Variants in PATJ observed in about 807,000 individuals in gnomAD.
PATJ encodes the protein inaD-like protein.
Under a neutral mutation model 224.9 loss-of-function variants are expected in PATJ, and 190 were observed. That is an observed-to-expected ratio of 0.84 (90% CI 0.75 to 0.95). The LOEUF is 0.95. PATJ is among the 40% of genes least tolerant of loss of function. The pLI is 0.00. For missense variants in PATJ, 2,121 were observed against 2,270.3 expected, an observed-to-expected ratio of 0.93 and a Z score of 1.34; for synonymous variants, 769 against 820.3, an observed-to-expected ratio of 0.94 and a Z score of 1.07.
At chr1:61,863,697 T>C (rs1664981679) in intron 19 of PATJ, among the ~76,000 whole-genome samples, 1 of 152,184 alleles carries the variant, frequency 6.6e-6, no homozygotes, top group South Asian at 2.1e-4. Flanking sequence ...AGATGAAAAA[T>C]AAGATTTGTT....
At chr1:61,862,799 T>A (rs543040364) in intron 19 of PATJ, among the ~76,000 whole-genome samples, 1 of 152,272 alleles carries the variant, frequency 6.6e-6, no homozygotes. Context: ...GAATTATACT[T>A]ATGTTGCTCT....
intron 29 of PATJ, among the ~76,000 whole-genome samples, chr1:62,035,459 C>G (rs765327848): frequency 1.3e-5 from 2 of 152,108 alleles, no homozygotes; most frequent in Non-Finnish European, 2.9e-5. Context: ...AAGCTACTTA[C>G]TTAAGGGTTT....
chr1:61,764,138 G>A (rs754395739), intron 3 of PATJ, among the ~76,000 whole-genome samples: 8 of 151,894 alleles, frequency 5.3e-5, no homozygotes, highest in African/African-American at 1.2e-4. Flanking sequence ...GATTATAGGC[G>A]TGAGCCACCT....
chr1:61,936,993 C>T (rs570092211), intron 27 of PATJ, among the ~76,000 whole-genome samples: 1 of 152,218 alleles, frequency 6.6e-6, no homozygotes, highest in East Asian at 1.9e-4. Context: ...CAATGCAATT[C>T]GGAACATAAA....
chr1:62,125,152 G>A (rs1294953570), intron 39 of PATJ, among the ~76,000 whole-genome samples: 5 of 148,336 alleles, frequency 3.4e-5, no homozygotes, highest in East Asian at 4.1e-4. Context: ...TGGGAAGATC[G>A]CTTGAGCTCA....
intron 32 of PATJ, among the ~76,000 whole-genome samples, chr1:62,081,522 G>A (rs1390518112): frequency 2.6e-5 from 4 of 152,142 alleles, no homozygotes; most frequent in Non-Finnish European, 5.9e-5. Context: ...TCACTCAGGA[G>A]ACTACGCTAG....
At chr1:62,144,652 C>T (rs2149010958) in intron 41 of PATJ, among the ~76,000 whole-genome samples, 1 of 151,656 alleles carries the variant, frequency 6.6e-6, no homozygotes, top group Admixed American at 6.6e-5. Flanking sequence ...AGCTGAAACT[C>T]ACATATGGCA....
At chr1:62,102,212 A>C (rs553152654) in intron 33 of PATJ, among the ~76,000 whole-genome samples, 34 of 148,296 alleles carry the variant, frequency 2.3e-4, no homozygotes, top group African/African-American at 8.6e-4. Context: ...TAAATAAATA[A>C]AACGTTCAAA....
intron 21 of PATJ, among the ~76,000 whole-genome samples, chr1:61,879,742 T>G (rs897171893): frequency 1.3e-5 from 2 of 152,110 alleles, no homozygotes; most frequent in African/African-American, 4.8e-5. Flanking sequence ...TCAAGCCTCC[T>G]CCTTTTGGTG....
chr1:62,101,259 C>CTTTTTTTTTTTT (rs916854253), intron 33 of PATJ, among the ~76,000 whole-genome samples: 8 of 122,608 alleles, frequency 6.5e-5, no homozygotes, highest in East Asian at 2.4e-4. Context: ...CTTTTCTTTT[C>CTTTTTTTTTTTT]TTTTTTTTTT....
chr1:62,110,478 T>A (rs979927922), intron 34 of PATJ, among the ~76,000 whole-genome samples: 1 of 152,220 alleles, frequency 6.6e-6, no homozygotes, highest in Non-Finnish European at 1.5e-5. Context: ...TGGCCTTTCA[T>A]GGTTTTAATA....
chr1:61,785,440 C>T (rs1648303212), intron 7 of PATJ, among the ~76,000 whole-genome samples: 1 of 152,206 alleles, frequency 6.6e-6, no homozygotes, highest in African/African-American at 2.4e-5. Context: ...CGGTGAGCAA[C>T]TTGGATTCAG....
intron 11 of PATJ, 117 bp downstream of exon 11, chr1:61,797,545 A>G: frequency 1.2e-6 from 1 of 800,746 alleles, no homozygotes; most frequent in Non-Finnish European, 2.0e-6. Flanking sequence ...CGTGTAATAC[A>G]CTGATGGAGA....
chr1:61,993,430 C>T (rs1295446442), intron 28 of PATJ, among the ~76,000 whole-genome samples: 2 of 152,120 alleles, frequency 1.3e-5, no homozygotes. Context: ...TTTATTAAGG[C>T]TTCATCATGT....
At chr1:62,158,150 T>C (rs982450503) in intron 43 of PATJ, among the ~76,000 whole-genome samples, 2 of 149,516 alleles carry the variant, frequency 1.3e-5, no homozygotes, top group Non-Finnish European at 3.0e-5. Flanking sequence ...TTGGGACAAA[T>C]AGCAAGTGAG....
chr1:62,045,973 G>A (rs1342322364), intron 30 of PATJ, among the ~76,000 whole-genome samples: 3 of 152,240 alleles, frequency 2.0e-5, no homozygotes, highest in South Asian at 2.1e-4. Flanking sequence ...GGCTAGGACC[G>A]AAGGAGTGCT....
chr1:62,097,025 G>A (rs879816102), intron 33 of PATJ, among the ~76,000 whole-genome samples: 18 of 152,036 alleles, frequency 1.2e-4, no homozygotes, highest in Admixed American at 3.9e-4. Context: ...CACTTTACTT[G>A]GCATATAACC....
intron 12 of PATJ, among the ~76,000 whole-genome samples, 188 bp downstream of exon 12, chr1:61,801,957 T>G (rs1340360483): frequency 5.3e-5 from 8 of 151,544 alleles, no homozygotes; most frequent in Non-Finnish European, 1.2e-4. Context: ...TTAATTGTAC[T>G]TTAAGTTCTA....
rs34127211 is a variant in PATJ at position 62,143,438 on chromosome 1, A to ATTTTTTTTTTTTTTTTTTTT, written c.5272-4835_5272-4816dup. Among the ~76,000 whole-genome samples, 5 of 74,324 alleles carry ATTTTTTTTTTTTTTTTTTTT rather than the reference A, an allele frequency of 6.7e-5. 1 individual carries two copies. In the East Asian group the frequency reaches 2.1e-3, roughly 31 times the overall value. 48.8% of individuals were successfully genotyped at this position (74,324 alleles called of 152,430 possible). On this transcript the variant is annotated intron_variant, in intron 41 of 43. Coordinates refer to ENST00000642238, the MANE Select transcript of PATJ (RefSeq NM_001350145.3). ...TTGGATATCACAGACTAAGCTGGGA[A>ATTTTTTTTTTTTTTTTTTTT]TTTTTTTTTTTTTTTTTTTTTTTTT... is the stretch of plus-strand genomic sequence containing the variant.
Sources: gnomAD v4.1 joint callset for allele counts (sites outside exome capture counted in the v4.1 genomes callset) on GRCh38, gnomAD v4.1.1 for gene constraint, MANE v1.5 for transcripts, NCBI Gene and HGNC (gene_info 2026-07-23, HGNC 2026-07-21) for gene names.